Variants in DCAF7 observed in about 807,000 individuals in gnomAD.
The protein encoded by DCAF7 is DDB1- and CUL4-associated factor 7.
Under a neutral mutation model 41.2 loss-of-function variants are expected in DCAF7, and 4 were observed. The ratio of observed to expected loss-of-function variants is 0.10; its 90% CI spans 0.05 to 0.22. The LOEUF (loss-of-function observed/expected upper bound fraction) is 0.22, where lower values mean the gene tolerates loss of function less well. Among genes scored for constraint, DCAF7 ranks in the 10% least tolerant of loss-of-function variants. The pLI, the probability that DCAF7 is intolerant of heterozygous loss-of-function variation, is 1.00. For synonymous variants in DCAF7, 143 were observed against 164.2 expected, an observed-to-expected ratio of 0.87 and a Z score of 0.99; for missense variants, 131 against 443.2, an observed-to-expected ratio of 0.30 and a Z score of 6.32.
At position 63,550,904 on chromosome 17, in the gene DCAF7, T is replaced by A; in HGVS notation, c.138+89T>A. 6.6e-7 allele frequency: 1 copy of A among 1,524,048 alleles called. No individual in the cohort carries two copies. Among genetic ancestry groups the A allele is most frequent in the Non-Finnish European group, 8.8e-7 (1 of 1,136,270 alleles). The allele number at this position is 1,524,048 out of a possible 1,614,324, so 94.4% of individuals were successfully genotyped here. A position where few individuals can be genotyped will look rare whatever the true frequency, so the allele number is the denominator to read the frequency against. On this transcript the variant is annotated intron_variant, in intron 1 of 6. Coordinates refer to ENST00000614556, the MANE Select transcript of DCAF7 (RefSeq NM_005828.5). This position sits in a 1 kb window ranked among gnomAD's most constrained non-coding sequence, Gnocchi z 4.8. ...GGCCGGAGCCCAGGCCTCAGAACCC[T>A]CTTGCGGACTCGCCCTAGGGCCACG...
At position 63,583,504 on chromosome 17, in the gene DCAF7, C is replaced by A; in HGVS notation, c.531C>A (p.Val177=). The A allele has an allele frequency of 6.2e-7, 1 of 1,613,570 alleles. No individual in the cohort carries two copies. Among genetic ancestry groups the A allele is most frequent in the African/African-American group, 1.3e-5 (1 of 75,032 alleles). Residue 177 remains valine (V), a splice_region_variant and synonymous_variant, in exon 5 of 7, where the codon GTC becomes GTA. Transcript: ENST00000614556. ...KTQLIAHDKE[V]YDIAFSRAGG... is the part of the protein sequence containing the mutation. ...TGGAGCTTCTTGTTCACCAACAGGT[C>A]TATGATATTGCATTTAGCCGGGCCG...
chr17:63,554,333 C>T (rs1357921653), intron 1 of DCAF7, among the ~76,000 whole-genome samples: 1 of 152,248 alleles, frequency 6.6e-6, no homozygotes. Context: ...CCTGAGGGAG[C>T]TGCACATTCC....
At position 63,593,808 on chromosome 17, in the gene DCAF7, A is replaced by C. The variant is rs1302894887; in HGVS notation, c.*4636A>C. 6.6e-6 allele frequency: 1 copy of C among 152,612 alleles called. No homozygotes were observed. Among genetic ancestry groups the C allele is most frequent in the Non-Finnish European group, 1.5e-5 (1 of 68,040 alleles). The allele number at this position is 152,612 out of a possible 1,614,324, so 9.5% of individuals were successfully genotyped here. A position where few individuals can be genotyped will look rare whatever the true frequency, so the allele number is the denominator to read the frequency against. On this transcript the variant is annotated 3_prime_UTR_variant, in exon 7 of 7. Coordinates refer to ENST00000614556, the MANE Select transcript of DCAF7 (RefSeq NM_005828.5). ...TTGTAGCATGATTGTATAAACCTCT[A>C]TGTAGAAAATGGAGATTTCTTGCTC...
intron 6 of DCAF7, among the ~76,000 whole-genome samples, chr17:63,588,462 G>A (rs1167441766): frequency 6.6e-6 from 1 of 151,296 alleles, no homozygotes; most frequent in Non-Finnish European, 1.5e-5. Flanking sequence ...CTTCCAAAGT[G>A]TTGGGATTAC....
chr17:63,558,229 G>T (rs902022182), intron 1 of DCAF7, among the ~76,000 whole-genome samples: 1 of 152,098 alleles, frequency 6.6e-6, no homozygotes, highest in African/African-American at 2.4e-5. Context: ...GATGAAGAAA[G>T]AATTATTTGG....
Position 63,550,505 on chromosome 17 carries a change from T to C in DCAF7, c.-173T>C. ...GTCCGTTCCCAAGCTGGTTTGAAAC[T>C]AGGGGTCGGGCTCGGCCGTCGTCGT... On this transcript the variant is annotated 5_prime_UTR_variant, in exon 1 of 7. Transcript: ENST00000614556. The surrounding 1 kb of genome is among the most constrained non-coding windows in gnomAD (Gnocchi z 4.8). The C allele has an allele frequency of 9.4e-7, 1 of 1,063,936 alleles. No individual in the cohort carries two copies. 65.9% of individuals were successfully genotyped at this position (1,063,936 alleles called of 1,614,324 possible). A position where few individuals can be genotyped will look rare whatever the true frequency, so the allele number is the denominator to read the frequency against.
chr17:63,558,047 C>T (rs1475485250), intron 1 of DCAF7, among the ~76,000 whole-genome samples: 2 of 151,956 alleles, frequency 1.3e-5, no homozygotes, highest in Non-Finnish European at 2.9e-5. Flanking sequence ...AGGTGCACAC[C>T]ACCACGCCCG....
chr17:63,567,813 C>T (rs1267263028), intron 1 of DCAF7, among the ~76,000 whole-genome samples: 1 of 151,842 alleles, frequency 6.6e-6, no homozygotes, highest in Non-Finnish European at 1.5e-5. Context: ...GCCCGTGCAA[C>T]CACACCTGGC....
At chr17:63,559,385 A>ATATGTATATATATG (rs1568097768) in intron 1 of DCAF7, among the ~76,000 whole-genome samples, 5 of 44,738 alleles carry the variant, frequency 1.1e-4, no homozygotes, top group Admixed American at 2.0e-4. Flanking sequence ...GTGTATATAT[A>ATATGTATATATATG]TGTATATATA....
At chr17:63,555,326 T>A (rs1008551655) in intron 1 of DCAF7, among the ~76,000 whole-genome samples, 3 of 152,184 alleles carry the variant, frequency 2.0e-5, no homozygotes, top group African/African-American at 7.2e-5. Context: ...AGACTGTAGG[T>A]ATATCTGATG....
intron 1 of DCAF7, among the ~76,000 whole-genome samples, chr17:63,577,080 C>T (rs1035610843): frequency 6.6e-6 from 1 of 152,134 alleles, no homozygotes; most frequent in African/African-American, 2.4e-5. Context: ...CTATTTATAT[C>T]GTATTATGGA....
intron 3 of DCAF7, 80 bp downstream of exon 3, chr17:63,579,528 C>A: frequency 1.9e-6 from 2 of 1,060,364 alleles, no homozygotes; most frequent in Non-Finnish European, 2.8e-6. Context: ...GGCCATACAT[C>A]CTAGAACAAG....
At chr17:63,585,146 A>G in intron 5 of DCAF7, 65 bp from the exon 6 acceptor site, 1 of 1,294,770 alleles carries the variant, frequency 7.7e-7, no homozygotes, top group Non-Finnish European at 1.1e-6. Context: ...GCATGTGGAT[A>G]GTATTTTTTG....
Position 63,579,805 on chromosome 17 carries a change from C to A in DCAF7, c.410-20C>A. 1 of 1,604,692 alleles carries A rather than the reference C, an allele frequency of 6.2e-7. No homozygotes were observed. Among genetic ancestry groups the A allele is most frequent in the Non-Finnish European group, 8.5e-7 (1 of 1,171,754 alleles). The stretch of plus-strand genomic sequence containing the variant: ...AGAACCTTGGTCCCGTCAGCCCTGA[C>A]TTGCACTGGTTGTTTGCAGGTACCT... On this transcript the variant is annotated intron_variant, in intron 3 of 6. Coordinates refer to ENST00000614556, the MANE Select transcript of DCAF7 (RefSeq NM_005828.5).
At chr17:63,585,392 A>T (rs1219668668) in intron 6 of DCAF7, 64 bp downstream of exon 6, 2 of 1,413,886 alleles carry the variant, frequency 1.4e-6, no homozygotes. Context: ...TTGGCTCCTT[A>T]GAATTGTAGT....
At chr17:63,583,750 C>T in intron 5 of DCAF7, 39 bp downstream of exon 5, 2 of 1,589,982 alleles carry the variant, frequency 1.3e-6, no homozygotes. Context: ...CCCTGCCTAA[C>T]TCCAGCACTG....
chr17:63,580,973 A>G (rs990348142), intron 4 of DCAF7, among the ~76,000 whole-genome samples: 1 of 152,182 alleles, frequency 6.6e-6, no homozygotes, highest in South Asian at 2.1e-4. Context: ...AGCTAGGGGT[A>G]TTAATATCTA....
rs1052108679 is a variant in DCAF7 at position 63,559,857 on chromosome 17, T to C, written c.138+9042T>C. Among the ~76,000 whole-genome samples the C allele has an allele frequency of 9.9e-5, 15 of 152,090 alleles. No individual in the cohort carries two copies. The East Asian group carries it at 2.1e-3, about 22-fold the overall frequency. On this transcript the variant is annotated intron_variant, in intron 1 of 6. Coordinates refer to ENST00000614556, the MANE Select transcript of DCAF7 (RefSeq NM_005828.5). ...AGATAAATGGAAGAATGTAAACATA[T>C]AACTGTAAAACACGGGAGAATCTTG...
In DCAF7 at chr17:63,592,269, GT is replaced by G. The variant is rs1320399428; in HGVS notation, c.*3098del. 2 of 152,244 alleles carry G rather than the reference GT, an allele frequency of 1.3e-5. No homozygotes were observed. The highest frequency in any genetic ancestry group is 2.9e-5 in the Non-Finnish European group (2 of 68,122). The allele number at this position is 152,244 out of a possible 1,614,324, so 9.4% of individuals were successfully genotyped here. A position where few individuals can be genotyped will look rare whatever the true frequency, so the allele number is the denominator to read the frequency against. On this transcript the variant is annotated 3_prime_UTR_variant, in exon 7 of 7. Coordinates refer to ENST00000614556, the MANE Select transcript of DCAF7 (RefSeq NM_005828.5). Reference sequence around the variant, plus strand: ...TACAAAAAAAAATTAGCCGGGGGTGGTGGCGGGTACCTGTAGTCCTAGCTAC... The same window carrying G: ...TACAAAAAAAAATTAGCCGGGGGTGGGGCGGGTACCTGTAGTCCTAGCTAC...
Sources: gnomAD v4.1 joint callset for allele counts (sites outside exome capture counted in the v4.1 genomes callset) on GRCh38, gnomAD v4.1.1 for gene constraint, Gnocchi (gnomAD v3.1) non-coding constraint, MANE v1.5 for transcripts, NCBI Gene and HGNC (gene_info 2026-07-23, HGNC 2026-07-21) for gene names.